MRPL21: variants seen among roughly 807,000 people sequenced by gnomAD.
The protein encoded by MRPL21 is large ribosomal subunit protein bL21m.
Under a neutral mutation model 27.3 loss-of-function variants are expected in MRPL21, and 20 were observed. The observed-to-expected ratio is 0.73, with a 90% CI of 0.52 to 1.06. The LOEUF is 1.06. Ranked by LOEUF, MRPL21 falls within the 50% of genes least tolerant of loss-of-function variation. The probability of loss-of-function intolerance (pLI) is 0.00; values close to 1 mark genes in which losing one functional copy is unlikely to be tolerated. For synonymous variants in MRPL21, 98 were observed against 101.5 expected, an observed-to-expected ratio of 0.97 and a Z score of 0.21; for missense variants, 249 against 251.4, an observed-to-expected ratio of 0.99 and a Z score of 0.06.
chr11:68,891,315 AGT>A lies in MRPL21; in HGVS notation c.*14_*15del. 1.2e-6 allele frequency: 2 copies of A among 1,612,686 alleles called. No individual in the cohort carries two copies. The highest frequency in any genetic ancestry group is 2.2e-5 in the South Asian group (2 of 91,056). ...AGGAGTTTATTTTTATCCTTTTGTA[AGT>A]ATTAACTCGGTAATCACAACAAACA... On this transcript the variant is annotated 3_prime_UTR_variant, in exon 7 of 7. Transcript: ENST00000362034.
chr11:68,892,112 G>A (rs1402314106), intron 6 of MRPL21: 5 of 985,122 alleles, frequency 5.1e-6, no homozygotes, highest in African/African-American at 2.0e-5. Context: ...GAAGGGGAGC[G>A]AGGTGGGTTC....
At chr11:68,900,509 A>G in intron 2 of MRPL21, 39 bp downstream of exon 2, 1 of 1,572,540 alleles carries the variant, frequency 6.4e-7, no homozygotes, top group Non-Finnish European at 8.7e-7. Flanking sequence ...TCTACAAATG[A>G]AAGGAAAAGA....
chr11:68,901,124 C>T (rs1047425827), intron 1 of MRPL21, among the ~76,000 whole-genome samples: 15 of 152,174 alleles, frequency 9.9e-5, no homozygotes, highest in Non-Finnish European at 1.8e-4. Context: ...TGTGAGCAGC[C>T]CTACCTAGAG....
chr11:68,902,128 C>T (rs1041328395), intron 1 of MRPL21, among the ~76,000 whole-genome samples: 11 of 152,194 alleles, frequency 7.2e-5, no homozygotes, highest in Admixed American at 2.0e-4. Flanking sequence ...ACTTCCATCA[C>T]GTCTCCTTTG....
At chr11:68,897,009 C>T (rs542925720) in intron 3 of MRPL21, among the ~76,000 whole-genome samples, 33 of 152,330 alleles carry the variant, frequency 2.2e-4, no homozygotes, top group African/African-American at 7.7e-4. Context: ...GTTTCTACAA[C>T]TCTAGGGTGG....
intron 1 of MRPL21, among the ~76,000 whole-genome samples, chr11:68,902,950 C>T (rs1007677782): frequency 9.9e-5 from 15 of 152,150 alleles, no homozygotes; most frequent in African/African-American, 3.4e-4. Context: ...ATGTAAGTTT[C>T]CTCCATGTCT....
intron 6 of MRPL21, chr11:68,891,996 G>A: frequency 2.0e-6 from 2 of 976,894 alleles, no homozygotes; most frequent in Non-Finnish European, 2.8e-6. Context: ...CGGATTCACT[G>A]CTGCTTTGGG....
Position 68,903,741 on chromosome 11 carries a change from G to A in MRPL21, c.70C>T (p.Pro24Ser), listed in dbSNP as rs374343543. 72 of 1,613,176 alleles carry A rather than the reference G, an allele frequency of 4.5e-5. No homozygotes were observed. The highest frequency in any genetic ancestry group is 5.7e-5 in the Non-Finnish European group (67 of 1,180,042). ...ASACSHSILR[P>S]SGPGAASLWS... The stretch of plus-strand genomic sequence containing the variant: ...GTCTCACCTGCTCCGGGCCCCGAAG[G>A]TCTCAGGATGCTGTGGCTGCACGCG... Residue 24 changes from proline (P) to serine (S), a missense_variant, in exon 1 of 7, where the codon CCT (proline) becomes TCT (serine). By Grantham distance (74) the Pro-to-Ser change is moderately conservative (BLOSUM62 -1). Coordinates refer to ENST00000362034, the MANE Select transcript of MRPL21 (RefSeq NM_181514.2).
chr11:68,896,722 C>T lies in MRPL21; in HGVS notation c.233-44G>A, dbSNP rs770725533. On this transcript the variant is annotated intron_variant, in intron 3 of 6. Transcript: ENST00000362034. ...GGGTGGGCAGTCACCCTCACCTGCT[C>T]CCCCACGCGCTGCAGTGTGATGTGC... The T allele has an allele frequency of 7.5e-6, 12 of 1,608,370 alleles. No homozygotes were observed. The South Asian group carries it at 9.9e-5, about 13-fold the overall frequency.
chr11:68,896,989 G>A (rs1241474197), intron 3 of MRPL21, among the ~76,000 whole-genome samples: 1 of 152,284 alleles, frequency 6.6e-6, no homozygotes, highest in Non-Finnish European at 1.5e-5. Context: ...CACTCGGCAC[G>A]CCTGGCTAGG....
At chr11:68,891,429 A>T (rs1186250553) in intron 6 of MRPL21, 34 bp from the exon 7 acceptor site, 3 of 1,607,676 alleles carry the variant, frequency 1.9e-6, no homozygotes, top group Non-Finnish European at 2.6e-6. Context: ...TTGACCACAG[A>T]CCCTGACTGT....
At chr11:68,894,695 C>A (rs532635536) in intron 4 of MRPL21, among the ~76,000 whole-genome samples, 1 of 152,190 alleles carries the variant, frequency 6.6e-6, no homozygotes, top group African/African-American at 2.4e-5. Flanking sequence ...ACAAACTCAG[C>A]GGACACGCAT....
intron 2 of MRPL21, 147 bp downstream of exon 2, chr11:68,900,401 G>T: frequency 1.2e-6 from 1 of 817,152 alleles, no homozygotes; most frequent in Non-Finnish European, 2.0e-6. Context: ...AAACCAGTCT[G>T]GGAAACATAG....
chr11:68,903,576 TC>T, intron 1 of MRPL21, 146 bp downstream of exon 1: 1 of 778,422 alleles, frequency 1.3e-6, no homozygotes. Context: ...GAACCTGGGT[TC>T]CCCCGACTCC....
intron 3 of MRPL21, chr11:68,897,657 A>G (rs1383405234): frequency 1.9e-6 from 1 of 525,030 alleles, no homozygotes; most frequent in Non-Finnish European, 3.4e-6. Flanking sequence ...GCACCCACCA[A>G]CAGAAGCAGA....
chr11:68,898,335 T>A (rs1857852747), intron 2 of MRPL21, among the ~76,000 whole-genome samples: 3 of 152,092 alleles, frequency 2.0e-5, no homozygotes, highest in Admixed American at 2.0e-4. Context: ...TGGGGCACAT[T>A]TATCTTGGAG....
chr11:68,899,741 C>T (rs1857888119), intron 2 of MRPL21, among the ~76,000 whole-genome samples: 1 of 152,182 alleles, frequency 6.6e-6, no homozygotes, highest in South Asian at 2.1e-4. Flanking sequence ...GAATGTTTTG[C>T]CGCTTCTTTG....
At chr11:68,899,976 G>T in intron 2 of MRPL21, among the ~76,000 whole-genome samples, 1 of 152,174 alleles carries the variant, frequency 6.6e-6, no homozygotes, top group East Asian at 1.9e-4. Context: ...AGGGGCAGCC[G>T]GAACTGCACC....
At chr11:68,903,655 A>T in intron 1 of MRPL21, 68 bp downstream of exon 1, 1 of 1,529,876 alleles carries the variant, frequency 6.5e-7, no homozygotes, top group Non-Finnish European at 9.0e-7. Context: ...CCAGGCACAT[A>T]CGTGGCGAGA....
Sources: allele counts gnomAD v4.1 joint callset (sites outside exome capture counted in the v4.1 genomes callset), GRCh38; gene constraint gnomAD v4.1.1; transcripts MANE v1.5; gene names NCBI Gene and HGNC (gene_info 2026-07-23, HGNC 2026-07-21).